The following THRB variants were observed in gnomAD, a reference collection of about 807,000 sequenced individuals.
The protein encoded by THRB is nuclear receptor subfamily 1 group A member 2.
A neutral mutation model predicts 47.8 loss-of-function variants in THRB; 12 were observed. The ratio of observed to expected loss-of-function variants is 0.25; its 90% CI spans 0.16 to 0.41. The LOEUF is 0.41. Among genes scored for constraint, THRB ranks in the 10% least tolerant of loss-of-function variants. The pLI, the probability that THRB is intolerant of heterozygous loss-of-function variation, is 1.00. For missense variants in THRB, 348 were observed against 589.2 expected (o/e 0.59, Z 4.24); for synonymous variants, 218 against 212.2 (o/e 1.03, Z -0.24).
At chr3:24,239,800 C>T (rs1286899001) in intron 3 of THRB, among the ~76,000 whole-genome samples, 1 of 152,074 alleles carries the variant, frequency 6.6e-6, no homozygotes, top group Non-Finnish European at 1.5e-5. Context: ...AGAATGTGTA[C>T]AGTTAAACTA....
At chr3:24,243,609 C>T (rs552885242) in intron 3 of THRB, among the ~76,000 whole-genome samples, 1 of 152,228 alleles carries the variant, frequency 6.6e-6, no homozygotes, top group African/African-American at 2.4e-5. Flanking sequence ...CTGCCCCTTC[C>T]CTGGGCACGG....
chr3:24,134,132 C>G (rs1319366129), intron 8 of THRB, among the ~76,000 whole-genome samples: 1 of 152,192 alleles, frequency 6.6e-6, no homozygotes, highest in East Asian at 1.9e-4. Flanking sequence ...CAAGAACAAT[C>G]CATGGCCTTG....
chr3:24,481,248 T>TTTTTG lies in THRB; in HGVS notation c.-261+13403_-261+13404insCAAAA, dbSNP rs1560296828. Among the ~76,000 whole-genome samples the TTTTTG allele has an allele frequency of 7.4e-5, 11 of 147,832 alleles. No individual in the cohort carries two copies. In the East Asian group the frequency reaches 1.4e-3, roughly 19 times the overall value. On this transcript the variant is annotated intron_variant, in intron 1 of 10. Transcript: ENST00000646209. ...CTTTCTGTTTTTTTTTTTTTTTTTTTTTTTTTTTTACGGAAAAAGAAAACA... is the reference window on the plus strand; with the variant it reads ...CTTTCTGTTTTTTTTTTTTTTTTTTTTTTTGTTTTTTTTTACGGAAAAAGAAAACA...
At chr3:24,167,157 G>C (rs1355953104) in intron 5 of THRB, among the ~76,000 whole-genome samples, 1 of 152,174 alleles carries the variant, frequency 6.6e-6, no homozygotes, top group Non-Finnish European at 1.5e-5. Context: ...TGTAGAATGA[G>C]CTAAAGATGT....
At chr3:24,375,588 AG>A (rs1413250113) in intron 1 of THRB, among the ~76,000 whole-genome samples, 2 of 149,904 alleles carry the variant, frequency 1.3e-5, no homozygotes, top group African/African-American at 2.4e-5. Flanking sequence ...ACAGAATAAA[AG>A]AAAAACTAAC....
chr3:24,364,464 A>G (rs1333346258), intron 1 of THRB, among the ~76,000 whole-genome samples: 2 of 152,206 alleles, frequency 1.3e-5, no homozygotes, highest in Non-Finnish European at 2.9e-5. Context: ...AACTTTCCAC[A>G]AATGAATTCC....
At chr3:24,265,519 G>A (rs975846049) in intron 3 of THRB, among the ~76,000 whole-genome samples, 5 of 152,114 alleles carry the variant, frequency 3.3e-5, no homozygotes, top group African/African-American at 1.2e-4. Context: ...TCAGGTGCAG[G>A]ATTTCTCTTT....
chr3:24,256,516 T>C (rs755376201), intron 3 of THRB, among the ~76,000 whole-genome samples: 46 of 151,994 alleles, frequency 3.0e-4, no homozygotes, highest in Non-Finnish European at 5.3e-4. Flanking sequence ...AGAAGGAAGA[T>C]ATATTAATAA....
intron 3 of THRB, among the ~76,000 whole-genome samples, chr3:24,284,723 A>T (rs2055055301): frequency 6.7e-6 from 1 of 149,520 alleles, no homozygotes; most frequent in South Asian, 2.1e-4. Context: ...ATGAACTCAA[A>T]CAGATTTACA....
chr3:24,333,002 G>A (rs537515705), intron 2 of THRB, among the ~76,000 whole-genome samples: 3 of 152,174 alleles, frequency 2.0e-5, no homozygotes, highest in South Asian at 2.1e-4. Flanking sequence ...GGAGAATGGC[G>A]TGAACCGGGA....
At chr3:24,474,990 C>T (rs1191311608) in intron 1 of THRB, among the ~76,000 whole-genome samples, 1 of 152,208 alleles carries the variant, frequency 6.6e-6, no homozygotes, top group Admixed American at 6.5e-5. Flanking sequence ...TATCATAAAT[C>T]ACAAAGGAAA....
chr3:24,334,077 T>C (rs2062088274), intron 2 of THRB, among the ~76,000 whole-genome samples: 1 of 152,226 alleles, frequency 6.6e-6, no homozygotes, highest in African/African-American at 2.4e-5. Flanking sequence ...CCTTCCACTT[T>C]ACTACCTGAC....
rs199810848 is a variant in THRB, at chr3:24,431,261, T to TACACAC, written c.-261+63385_-261+63390dup. 5.8e-3 allele frequency among the ~76,000 whole-genome samples: 793 copies of TACACAC among 135,766 alleles called. 7 individuals are homozygous for TACACAC. The highest frequency in any genetic ancestry group is 0.019 in the African/African-American group (719 of 36,954). 89.1% of individuals were successfully genotyped at this position (135,766 alleles called of 152,430 possible). A position where few individuals can be genotyped will look rare whatever the true frequency, so the allele number is the denominator to read the frequency against. On this transcript the variant is annotated intron_variant, in intron 1 of 10. Coordinates refer to ENST00000646209, the MANE Select transcript of THRB (RefSeq NM_001354712.2). ...GGATCAGTCTCTCTCTCTCTCTCTC[T>TACACAC]ACACACACACACACACACACACACA...
intron 4 of THRB, among the ~76,000 whole-genome samples, chr3:24,206,146 C>A (rs1048962831): frequency 6.6e-6 from 1 of 152,128 alleles, no homozygotes; most frequent in Non-Finnish European, 1.5e-5. Context: ...CTGCACCAAG[C>A]GGACCTAATA....
At chr3:24,351,191 AAT>A (rs1227688840) in intron 1 of THRB, among the ~76,000 whole-genome samples, 5 of 152,004 alleles carry the variant, frequency 3.3e-5, no homozygotes, top group Non-Finnish European at 7.4e-5. Context: ...CTCAGCCCTA[AAT>A]TTGTGTATAC....
At chr3:24,128,220 G>C (rs904409648) in intron 9 of THRB, among the ~76,000 whole-genome samples, 16 of 152,164 alleles carry the variant, frequency 1.1e-4, no homozygotes, top group Admixed American at 3.3e-4. Flanking sequence ...GGTTTTTGAA[G>C]CACGTTTGCT....
intron 1 of THRB, among the ~76,000 whole-genome samples, chr3:24,451,378 T>C (rs142276199): frequency 0.019 from 2,896 of 151,886 alleles, 123 homozygotes; most frequent in East Asian, 0.18. Flanking sequence ...GGACTACAGG[T>C]GCCTGCCACC....
chr3:24,364,591 A>C (rs1219437088), intron 1 of THRB, among the ~76,000 whole-genome samples: 1 of 152,186 alleles, frequency 6.6e-6, no homozygotes, highest in Non-Finnish European at 1.5e-5. Context: ...TAAACAAATC[A>C]GAATTCAAAC....
intron 8 of THRB, 133 bp downstream of exon 8, chr3:24,143,368 C>T: frequency 1.1e-6 from 1 of 900,620 alleles, no homozygotes; most frequent in South Asian, 1.4e-5. Flanking sequence ...GTTACTCAGC[C>T]TCTCAGAGCT....
Sources: gnomAD v4.1 joint callset for allele counts (sites outside exome capture counted in the v4.1 genomes callset) on GRCh38, gnomAD v4.1.1 for gene constraint, MANE v1.5 for transcripts, NCBI Gene and HGNC (gene_info 2026-07-23, HGNC 2026-07-21) for gene names.